The following LRTM3 variants were observed in gnomAD, a reference collection of about 807,000 sequenced individuals.
LRTM3 encodes leucine rich repeat transmembrane protein 3, also known as leucine-rich repeat transmembrane protein 3.
the LRTM3 span, chr13:102,745,178 T>C: frequency 1.3e-6 from 2 of 1,550,904 alleles, no homozygotes; most frequent in Non-Finnish European, 1.7e-6. Flanking sequence ...ATCCTTCCCC[T>C]GACCTGAACG....
At chr13:102,754,399 C>T in the LRTM3 span, among the ~76,000 whole-genome samples, 1 of 152,000 alleles carries the variant, frequency 6.6e-6, no homozygotes, top group South Asian at 2.1e-4. Context: ...TGTCTCACCC[C>T]CACACCCTGT....
At chr13:102,746,626 G>C in the LRTM3 span, 1 of 1,551,196 alleles carries the variant, frequency 6.4e-7, no homozygotes, top group East Asian at 2.4e-5. Flanking sequence ...TACTTGTTGT[G>C]AGTGCAAATG....
chr13:102,743,420 G>A, the LRTM3 span: 1 of 1,550,404 alleles, frequency 6.4e-7, no homozygotes, highest in Non-Finnish European at 8.7e-7. Flanking sequence ...TTTCAGTTTG[G>A]TTTTTAAATT....
the LRTM3 span, chr13:102,746,718 C>A: frequency 2.6e-6 from 4 of 1,550,996 alleles, no homozygotes; most frequent in South Asian, 2.4e-5. Context: ...GCTGGTAAAT[C>A]TTTTGGTATT....
chr13:102,730,157 C>G, the LRTM3 span: 1 of 1,550,086 alleles, frequency 6.5e-7, no homozygotes, highest in African/African-American at 1.4e-5. Flanking sequence ...TTCCTTTCTG[C>G]ACTCTCTAGT....
chr13:102,744,446 C>T, the LRTM3 span: 6 of 1,550,296 alleles, frequency 3.9e-6, no homozygotes, highest in Non-Finnish European at 5.2e-6. Flanking sequence ...CTTTGATTTC[C>T]CTGTTTTGGG....
At chr13:102,748,893 T>C in the LRTM3 span, 6 of 1,550,128 alleles carry the variant, frequency 3.9e-6, no homozygotes, top group South Asian at 6.0e-5. Context: ...TTTTTAGTAA[T>C]ATCTGAGATT....
At chr13:102,753,618 C>T in the LRTM3 span, among the ~76,000 whole-genome samples, 1 of 151,888 alleles carries the variant, frequency 6.6e-6, no homozygotes, top group Non-Finnish European at 1.5e-5. Flanking sequence ...CCTCCAGAAC[C>T]ATGAGAAAAT....
chr13:102,746,632 A>C, the LRTM3 span: 69 of 1,551,222 alleles, frequency 4.4e-5, no homozygotes, highest in African/African-American at 8.1e-4. Flanking sequence ...TTGTGAGTGC[A>C]AATGTTACTC....
At chr13:102,731,362 A>T in the LRTM3 span, 1 of 1,551,450 alleles carries the variant, frequency 6.4e-7, no homozygotes, top group Non-Finnish European at 8.7e-7. Context: ...CTTTTGGATA[A>T]AAGTTGAACA....
At chr13:102,732,898 A>G in the LRTM3 span, 1 of 1,551,374 alleles carries the variant, frequency 6.4e-7, no homozygotes, top group Non-Finnish European at 8.7e-7. Flanking sequence ...TTTCCTCCAG[A>G]TCCCCTGATT....
the LRTM3 span, chr13:102,758,469 A>G: frequency 2.7e-3 from 4,131 of 1,538,908 alleles, 87 homozygotes; most frequent in African/African-American, 0.05. Context: ...AGGAATAAAA[A>G]AGTCACAGTA....
At chr13:102,750,299 C>T in the LRTM3 span, 19 of 1,546,842 alleles carry the variant, frequency 1.2e-5, no homozygotes, top group Middle Eastern at 1.7e-4. Flanking sequence ...TAGTATTTCA[C>T]GTGAGAATAA....
At chr13:102,737,505 T>C in the LRTM3 span, 1 of 1,550,532 alleles carries the variant, frequency 6.4e-7, no homozygotes, top group Non-Finnish European at 8.7e-7. Context: ...CCATCCCTGT[T>C]CCCTTGCTCC....
the LRTM3 span, chr13:102,734,453 C>T: frequency 1.3e-6 from 2 of 1,551,296 alleles, no homozygotes; most frequent in South Asian, 1.2e-5. Flanking sequence ...TTTATCTTGA[C>T]CTTCATGTTC....
the LRTM3 span, chr13:102,758,947 T>A: frequency 7.1e-7 from 1 of 1,406,046 alleles, no homozygotes; most frequent in Non-Finnish European, 9.7e-7. Context: ...ATGTCATATG[T>A]GAAAGAGACT....
the LRTM3 span, chr13:102,730,036 C>T: frequency 5.8e-6 from 9 of 1,551,456 alleles, no homozygotes; most frequent in East Asian, 7.3e-5. Context: ...ACTGAATTTC[C>T]GCAGTATTTG....
the LRTM3 span, chr13:102,734,942 A>G: frequency 6.4e-7 from 1 of 1,551,186 alleles, no homozygotes; most frequent in Admixed American, 2.0e-5. Context: ...ATCACCAGCA[A>G]TTGGCCTTAT....
the LRTM3 span, chr13:102,736,305 T>C: frequency 1.3e-6 from 2 of 1,551,124 alleles, no homozygotes; most frequent in Non-Finnish European, 1.7e-6. Flanking sequence ...TCCTTTCTCT[T>C]ACTCAGAGGA....
Sources: allele counts gnomAD v4.1 joint callset (sites outside exome capture counted in the v4.1 genomes callset), GRCh38; gene constraint gnomAD v4.1.1; transcripts MANE v1.5; gene names NCBI Gene and HGNC (gene_info 2026-07-23, HGNC 2026-07-21).